The following CMTM8 variants were observed in gnomAD, a reference collection of about 807,000 sequenced individuals.
CMTM8 encodes the protein CKLF like MARVEL transmembrane domain containing 8.
In CMTM8, 12 loss-of-function variants were observed where a neutral mutation model predicts 18.6. The ratio of observed to expected loss-of-function variants is 0.65; its 90% confidence interval spans 0.41 to 1.05. CMTM8 has a LOEUF of 1.05. Ranked by LOEUF, CMTM8 falls within the 50% of genes least tolerant of loss-of-function variation. The pLI is 0.00. For synonymous variants in CMTM8, 87 were observed against 90.6 expected, an observed-to-expected ratio of 0.96 and a Z score of 0.23; for missense variants, 217 against 227.2, an observed-to-expected ratio of 0.95 and a Z score of 0.29.
intron 1 of CMTM8, among the ~76,000 whole-genome samples, chr3:32,292,151 T>A (rs1336572850): frequency 6.6e-6 from 1 of 152,224 alleles, no homozygotes; most frequent in Non-Finnish European, 1.5e-5. Flanking sequence ...TTCAGAAGAA[T>A]CCAGGTATTC....
chr3:32,363,693 C>G (rs993463410), intron 2 of CMTM8, among the ~76,000 whole-genome samples: 1 of 152,212 alleles, frequency 6.6e-6, no homozygotes, highest in Non-Finnish European at 1.5e-5. Context: ...AGTTGCTTAT[C>G]ATATCTTCCT....
chr3:32,293,772 G>A (rs1260752341), intron 1 of CMTM8, among the ~76,000 whole-genome samples: 1 of 152,198 alleles, frequency 6.6e-6, no homozygotes, highest in Non-Finnish European at 1.5e-5. Flanking sequence ...CTTGAACCAG[G>A]AGGTAGAGGT....
At chr3:32,323,979 C>T (rs1696108927) in intron 1 of CMTM8, among the ~76,000 whole-genome samples, 2 of 152,182 alleles carry the variant, frequency 1.3e-5, no homozygotes, top group Non-Finnish European at 2.9e-5. Flanking sequence ...TGCTAGTTGC[C>T]AACAACTCTG....
intron 1 of CMTM8, chr3:32,259,330 G>T: frequency 1.4e-6 from 1 of 727,102 alleles, no homozygotes; most frequent in South Asian, 1.4e-5. Flanking sequence ...ATTACTTCAA[G>T]ACCATCAAAG....
chr3:32,253,344 C>CTT lies in CMTM8; in HGVS notation c.147+14240_147+14241dup, dbSNP rs151296321. Among the ~76,000 whole-genome samples the CTT allele has an allele frequency of 2.2e-3, 295 of 132,060 alleles. 1 individual carries two copies. The highest frequency in any genetic ancestry group is 8.1e-3 in the Middle Eastern group (2 of 246). The allele number at this position is 132,060 out of a possible 152,430, so 86.6% of individuals were successfully genotyped here. A position where few individuals can be genotyped will look rare whatever the true frequency, so the allele number is the denominator to read the frequency against. On this transcript the variant is annotated intron_variant, in intron 1 of 3. Coordinates refer to ENST00000307526, the MANE Select transcript of CMTM8 (RefSeq NM_178868.5). ...TTTATTTATTTTCTTGTCCCTTTAT[C>CTT]TTTTTTTTTTTTTTTTGGAGACAAA...
chr3:32,281,530 T>A (rs116476618), intron 1 of CMTM8, among the ~76,000 whole-genome samples: 1,652 of 152,344 alleles, frequency 0.011, 25 homozygotes, highest in African/African-American at 0.038. Context: ...AATGCCATCT[T>A]GAAAACTGTA....
chr3:32,368,343 T>C (rs1434443096), intron 3 of CMTM8, among the ~76,000 whole-genome samples: 1 of 152,194 alleles, frequency 6.6e-6, no homozygotes, highest in Non-Finnish European at 1.5e-5. Flanking sequence ...TTAGTTTTTT[T>C]TAAGTGAAAA....
rs904958456 is a variant in CMTM8, at chr3:32,238,823, G to T, written c.-150G>T. 5 of 486,474 alleles carry T rather than the reference G, an allele frequency of 1.0e-5. No individual in the cohort carries two copies. The highest frequency in any genetic ancestry group is 1.3e-5 in the Non-Finnish European group (4 of 316,276). The allele number at this position is 486,474 out of a possible 1,614,324, so 30.1% of individuals were successfully genotyped here. On this transcript the variant is annotated 5_prime_UTR_variant, in exon 1 of 4. Transcript: ENST00000307526. ...GAGGGACACCCGCCGCGCCTGGACA[G>T]CCCCCGGCGGGCGCCCCCCTCGCAC...
chr3:32,269,894 C>T (rs1410676313), intron 1 of CMTM8, among the ~76,000 whole-genome samples: 1 of 151,558 alleles, frequency 6.6e-6, no homozygotes, highest in Non-Finnish European at 1.5e-5. Context: ...CCTCCTGTCT[C>T]AGCCTCCTGA....
chr3:32,319,072 ATAT>A (rs1416718605), intron 1 of CMTM8, among the ~76,000 whole-genome samples: 18 of 24,408 alleles, frequency 7.4e-4, no homozygotes, highest in Admixed American at 1.3e-3. Flanking sequence ...ATATATATAT[ATAT>A]TTTTTTTTTT....
Position 32,277,148 on chromosome 3 carries a change from C to T in CMTM8, c.147+38029C>T, listed in dbSNP as rs536945552. On this transcript the variant is annotated intron_variant, in intron 1 of 3. Transcript: ENST00000307526. ...GTAATCCTCCCACCTCAGCCTTCCA[C>T]GTAGCTGGAGCTACAGGTATGCTCC... Among the ~76,000 whole-genome samples, 9 of 152,054 alleles carry T rather than the reference C, an allele frequency of 5.9e-5. No individual in the cohort carries two copies. The East Asian group carries it at 7.8e-4, about 13-fold the overall frequency.
At chr3:32,302,363 A>G (rs9853554) in intron 1 of CMTM8, among the ~76,000 whole-genome samples, 39,911 of 152,142 alleles carry the variant, frequency 0.26, 5,470 homozygotes, top group Admixed American at 0.32. Context: ...CAAGTAGCAC[A>G]GCATTGGATA....
intron 1 of CMTM8, among the ~76,000 whole-genome samples, chr3:32,270,026 A>C (rs1310675670): frequency 6.6e-6 from 1 of 151,472 alleles, no homozygotes; most frequent in African/African-American, 2.4e-5. Context: ...CTCCTGCCTC[A>C]GCCTCTCAAA....
chr3:32,308,924 G>C (rs1198411915), intron 1 of CMTM8, among the ~76,000 whole-genome samples: 2 of 152,170 alleles, frequency 1.3e-5, no homozygotes, highest in South Asian at 4.1e-4. Context: ...ATGCTGGAAA[G>C]TCATCGTGGC....
chr3:32,292,577 AT>A (rs1305877680), intron 1 of CMTM8, among the ~76,000 whole-genome samples: 1 of 152,080 alleles, frequency 6.6e-6, no homozygotes, highest in Non-Finnish European at 1.5e-5. Context: ...ACACATGACA[AT>A]TTTAGGGTTC....
At chr3:32,275,166 G>A (rs1363021197) in intron 1 of CMTM8, among the ~76,000 whole-genome samples, 1 of 151,628 alleles carries the variant, frequency 6.6e-6, no homozygotes, top group East Asian at 1.9e-4. Context: ...CACCACACCT[G>A]GCTAACTTGG....
chr3:32,362,745 T>C (rs1013486242), intron 2 of CMTM8, among the ~76,000 whole-genome samples: 8 of 152,110 alleles, frequency 5.3e-5, no homozygotes, highest in Non-Finnish European at 7.4e-5. Context: ...CTTCTTCTAA[T>C]GATGGTGCCA....
chr3:32,303,611 C>T (rs966007435), intron 1 of CMTM8, among the ~76,000 whole-genome samples: 2 of 152,046 alleles, frequency 1.3e-5, no homozygotes, highest in Non-Finnish European at 2.9e-5. Flanking sequence ...TGATGGTAAC[C>T]GAGCTTCCCC....
intron 1 of CMTM8, among the ~76,000 whole-genome samples, chr3:32,296,019 T>C (rs564185247): frequency 1.8e-4 from 28 of 152,328 alleles, no homozygotes; most frequent in African/African-American, 6.7e-4. Context: ...TTGTTCTGTC[T>C]TGGATGTCAC....
Sources: allele counts gnomAD v4.1 joint callset (sites outside exome capture counted in the v4.1 genomes callset), GRCh38; gene constraint gnomAD v4.1.1; transcripts MANE v1.5; gene names NCBI Gene and HGNC (gene_info 2026-07-23, HGNC 2026-07-21).